The following MAGI2 variants were observed in gnomAD, a reference collection of about 807,000 sequenced individuals.
MAGI2 encodes the protein membrane-associated guanylate kinase, WW and PDZ domain-containing protein 2.
In MAGI2, 35 loss-of-function variants were observed where a neutral mutation model predicts 133.3. The ratio of observed to expected loss-of-function variants is 0.26; its 90% CI spans 0.20 to 0.35. The LOEUF (loss-of-function observed/expected upper bound fraction) is 0.35, where lower values mean the gene tolerates loss of function less well. MAGI2 is among the 10% of genes least tolerant of loss of function. The pLI, the probability that MAGI2 is intolerant of heterozygous loss-of-function variation, is 1.00. For synonymous variants in MAGI2, 729 were observed against 710.6 expected, an observed-to-expected ratio of 1.03 and a Z score of -0.41; for missense variants, 1,636 against 1,863.4, an observed-to-expected ratio of 0.88 and a Z score of 2.25.
At chr7:78,276,916 G>A (rs573656857) in intron 9 of MAGI2, among the ~76,000 whole-genome samples, 68 of 152,198 alleles carry the variant, frequency 4.5e-4, no homozygotes, top group Middle Eastern at 3.4e-3. Context: ...AAATTTTGGA[G>A]TCATCAATAT....
chr7:78,786,240 T>A (rs1477913878), intron 2 of MAGI2, among the ~76,000 whole-genome samples: 1 of 152,100 alleles, frequency 6.6e-6, no homozygotes, highest in African/African-American at 2.4e-5. Context: ...TAGATCAGCA[T>A]CTAACCCCTT....
intron 1 of MAGI2, among the ~76,000 whole-genome samples, chr7:79,190,942 C>T (rs1827604747): frequency 6.6e-6 from 1 of 151,672 alleles, no homozygotes; most frequent in Admixed American, 6.6e-5. Context: ...TAAATTTTCT[C>T]TATTGATTGA....
chr7:78,248,691 C>A (rs1387499803), intron 10 of MAGI2, among the ~76,000 whole-genome samples: 1 of 152,054 alleles, frequency 6.6e-6, no homozygotes, highest in Non-Finnish European at 1.5e-5. Context: ...GGAAATAAAA[C>A]TAGACTTCTG....
intron 1 of MAGI2, among the ~76,000 whole-genome samples, chr7:79,264,923 A>T (rs930677722): frequency 6.6e-6 from 1 of 152,048 alleles, no homozygotes; most frequent in African/African-American, 2.4e-5. Flanking sequence ...ACCAGTTCTC[A>T]AAAGAACTAA....
chr7:78,530,292 T>C (rs995234974), intron 3 of MAGI2, among the ~76,000 whole-genome samples: 1 of 152,244 alleles, frequency 6.6e-6, no homozygotes, highest in African/African-American at 2.4e-5. Context: ...TAAAATGTTA[T>C]TAAGCATCTA....
At chr7:79,299,204 A>G (rs913986240) in intron 1 of MAGI2, among the ~76,000 whole-genome samples, 8 of 152,148 alleles carry the variant, frequency 5.3e-5, no homozygotes, top group African/African-American at 1.7e-4. Flanking sequence ...GGAAGACCTT[A>G]TATAAGAATA....
intron 2 of MAGI2, among the ~76,000 whole-genome samples, chr7:78,912,938 A>G (rs1015957740): frequency 2.6e-5 from 4 of 151,608 alleles, no homozygotes; most frequent in African/African-American, 9.7e-5. Context: ...ATTCCCAGAA[A>G]GAGAGATAGT....
intron 2 of MAGI2, among the ~76,000 whole-genome samples, chr7:78,805,860 G>T (rs776345183): frequency 3.3e-5 from 5 of 152,054 alleles, no homozygotes; most frequent in African/African-American, 1.2e-4. Context: ...CCTTGGAAGC[G>T]GATCTTGCAA....
At chr7:78,540,162 G>A (rs972412365) in intron 3 of MAGI2, among the ~76,000 whole-genome samples, 3 of 152,176 alleles carry the variant, frequency 2.0e-5, no homozygotes, top group African/African-American at 4.8e-5. Context: ...TATGTCTTTC[G>A]TCTTTGGCTA....
intron 1 of MAGI2, among the ~76,000 whole-genome samples, chr7:79,336,918 A>G (rs1313108307): frequency 2.0e-5 from 3 of 152,104 alleles, no homozygotes; most frequent in African/African-American, 7.2e-5. Context: ...GAGATCTAAC[A>G]CACAACATGA....
At chr7:78,968,361 AT>A (rs1803503749) in intron 2 of MAGI2, among the ~76,000 whole-genome samples, 1 of 151,470 alleles carries the variant, frequency 6.6e-6, no homozygotes, top group Non-Finnish European at 1.5e-5. Flanking sequence ...TTTGATCAGT[AT>A]TAGGTCTTCT....
At chr7:79,336,119 G>A (rs890966319) in intron 1 of MAGI2, among the ~76,000 whole-genome samples, 1 of 152,056 alleles carries the variant, frequency 6.6e-6, no homozygotes, top group Non-Finnish European at 1.5e-5. Context: ...TATAGCAATA[G>A]CTAACAACTA....
chr7:78,320,176 G>A (rs534304636), intron 9 of MAGI2, among the ~76,000 whole-genome samples: 4 of 152,164 alleles, frequency 2.6e-5, no homozygotes, highest in Admixed American at 6.5e-5. Context: ...ATTCACAGCC[G>A]AATTTTACCA....
chr7:78,585,999 T>G (rs1402769603), intron 3 of MAGI2, among the ~76,000 whole-genome samples: 1 of 152,186 alleles, frequency 6.6e-6, no homozygotes, highest in Non-Finnish European at 1.5e-5. Flanking sequence ...CTCTCCTTTC[T>G]ATTTTAGGTA....
At chr7:79,153,785 A>G (rs1990432) in intron 1 of MAGI2, among the ~76,000 whole-genome samples, 94,879 of 152,144 alleles carry the variant, frequency 0.62, 34,905 homozygotes, top group Non-Finnish European at 0.83. Context: ...GGACAGATTC[A>G]GATGGGTTTA....
chr7:78,563,507 C>A (rs1048886134), intron 3 of MAGI2, among the ~76,000 whole-genome samples: 3 of 152,104 alleles, frequency 2.0e-5, no homozygotes, highest in Admixed American at 1.3e-4. Context: ...AAACGACAGA[C>A]GAGAGCCACT....
At chr7:79,303,651 T>C (rs1315525792) in intron 1 of MAGI2, among the ~76,000 whole-genome samples, 1 of 152,226 alleles carries the variant, frequency 6.6e-6, no homozygotes, top group African/African-American at 2.4e-5. Context: ...TCAGATGATT[T>C]AATGAATGAA....
chr7:78,596,642 C>T (rs1804640864), intron 3 of MAGI2, among the ~76,000 whole-genome samples: 1 of 152,102 alleles, frequency 6.6e-6, no homozygotes, highest in East Asian at 1.9e-4. Flanking sequence ...AGTTTTGATT[C>T]TCAACTGCTT....
intron 2 of MAGI2, among the ~76,000 whole-genome samples, chr7:78,678,179 G>T (rs1815259122): frequency 2.6e-5 from 4 of 152,160 alleles, no homozygotes; most frequent in African/African-American, 7.2e-5. Flanking sequence ...ATCCAAAGGG[G>T]TTTTCATGAA....
Sources: gnomAD v4.1 joint callset for allele counts (sites outside exome capture counted in the v4.1 genomes callset) on GRCh38, gnomAD v4.1.1 for gene constraint, MANE v1.5 for transcripts, NCBI Gene and HGNC (gene_info 2026-07-23, HGNC 2026-07-21) for gene names.